The following ULK4 variants were observed in gnomAD, a reference collection of about 807,000 sequenced individuals.
ULK4 encodes the protein inactive serine/threonine-protein kinase ULK4.
A neutral mutation model predicts 160.6 loss-of-function variants in ULK4; 133 were observed. That is an observed-to-expected ratio of 0.83 (90% confidence interval 0.72 to 0.96). The LOEUF is 0.96. Ranked by LOEUF, ULK4 falls within the 40% of genes least tolerant of loss-of-function variation. The probability of loss-of-function intolerance (pLI) is 0.00; values close to 1 mark genes in which losing one functional copy is unlikely to be tolerated. For synonymous variants in ULK4, 534 were observed against 539.8 expected, an observed-to-expected ratio of 0.99 and a Z score of 0.15; for missense variants, 1,580 against 1,499.5, an observed-to-expected ratio of 1.05 and a Z score of -0.89.
intron 25 of ULK4, among the ~76,000 whole-genome samples, chr3:41,705,910 A>G (rs1227266935): frequency 1.3e-5 from 2 of 152,200 alleles, no homozygotes; most frequent in Non-Finnish European, 2.9e-5. Context: ...CCATATCAGA[A>G]GAGAGTTCGA....
intron 30 of ULK4, among the ~76,000 whole-genome samples, chr3:41,657,573 A>C (rs570565019): frequency 3.9e-5 from 6 of 152,136 alleles, no homozygotes; most frequent in African/African-American, 1.2e-4. Context: ...TAATCCCAGC[A>C]CTTTAAGAGG....
chr3:41,316,816 T>C (rs538704100), intron 35 of ULK4, among the ~76,000 whole-genome samples: 1 of 152,332 alleles, frequency 6.6e-6, no homozygotes, highest in South Asian at 2.1e-4. Context: ...AGCGCCTTTT[T>C]TAGTTGGTTC....
At chr3:41,533,527 G>A (rs1363873481) in intron 32 of ULK4, among the ~76,000 whole-genome samples, 1 of 152,160 alleles carries the variant, frequency 6.6e-6, no homozygotes, top group Non-Finnish European at 1.5e-5. Context: ...TTAGTTATTG[G>A]ACAGAGGTTG....
At chr3:41,934,784 T>G (rs1011494408) in intron 4 of ULK4, among the ~76,000 whole-genome samples, 3 of 152,062 alleles carry the variant, frequency 2.0e-5, no homozygotes, top group African/African-American at 7.2e-5. Flanking sequence ...ATATCAGGAA[T>G]CATACACATA....
At chr3:41,872,068 T>C (rs1182785758) in intron 17 of ULK4, among the ~76,000 whole-genome samples, 1 of 152,240 alleles carries the variant, frequency 6.6e-6, no homozygotes, top group East Asian at 1.9e-4. Context: ...TTTGCTTTTG[T>C]TAGTACCAGT....
At chr3:41,832,286 C>G (rs6803198) in intron 18 of ULK4, among the ~76,000 whole-genome samples, 48,016 of 152,086 alleles carry the variant, frequency 0.32, 11,159 homozygotes, top group African/African-American at 0.66. Context: ...TTTCTCTAAT[C>G]ATCAGTGATA....
At chr3:41,517,836 G>A (rs561759045) in intron 32 of ULK4, among the ~76,000 whole-genome samples, 37 of 152,302 alleles carry the variant, frequency 2.4e-4, no homozygotes, top group African/African-American at 8.4e-4. Flanking sequence ...TGTGTACAGA[G>A]AGGGTTTTGA....
intron 35 of ULK4, among the ~76,000 whole-genome samples, chr3:41,365,472 T>C (rs1032650006): frequency 6.6e-6 from 1 of 152,202 alleles, no homozygotes; most frequent in East Asian, 1.9e-4. Flanking sequence ...AAAATTAATA[T>C]AACATAGGAA....
At chr3:41,838,766 C>T (rs1002179449) in intron 17 of ULK4, among the ~76,000 whole-genome samples, 7 of 152,154 alleles carry the variant, frequency 4.6e-5, no homozygotes, top group Non-Finnish European at 8.8e-5. Flanking sequence ...CGAACTTGGA[C>T]GATAAACAGA....
At chr3:41,733,288 T>G (rs981456403) in intron 22 of ULK4, among the ~76,000 whole-genome samples, 1 of 152,040 alleles carries the variant, frequency 6.6e-6, no homozygotes, top group Non-Finnish European at 1.5e-5. Flanking sequence ...TAGATAAAAT[T>G]TGCAGTGACT....
At chr3:41,606,027 T>C (rs942963584) in intron 31 of ULK4, among the ~76,000 whole-genome samples, 4 of 151,970 alleles carry the variant, frequency 2.6e-5, no homozygotes, top group African/African-American at 9.7e-5. Context: ...CAAGGAAAAT[T>C]TGAAATTATG....
chr3:41,782,410 G>A lies in ULK4; in HGVS notation c.2193+7251C>T, dbSNP rs758748646. 1.4e-4 allele frequency among the ~76,000 whole-genome samples: 21 copies of A among 152,066 alleles called. 1 individual carries two copies. The highest frequency in any genetic ancestry group is 3.9e-4 in the Admixed American group (6 of 15,256). On this transcript the variant is annotated intron_variant, in intron 21 of 36. Transcript: ENST00000301831. ...GATTTCTGCGCTCAAATTTAGAACAGAGACACAGCTTTCAACAACCCAAAA... is the reference window on the plus strand; with the variant it reads ...GATTTCTGCGCTCAAATTTAGAACAAAGACACAGCTTTCAACAACCCAAAA...
chr3:41,421,742 G>C lies in ULK4; in HGVS notation c.3493-23478C>G, dbSNP rs7613050. Among the ~76,000 whole-genome samples, 688 of 152,200 alleles carry C rather than the reference G, an allele frequency of 4.5e-3. 2 individuals are homozygous for C. The highest frequency in any genetic ancestry group is 0.016 in the African/African-American group (660 of 41,552). Reference sequence around the variant, plus strand: ...ATTGTTCTGTGCTGTTTTAAAGTAGGTTATGGTATGAGACTTATTATAGCT... The same window carrying C: ...ATTGTTCTGTGCTGTTTTAAAGTAGCTTATGGTATGAGACTTATTATAGCT... On this transcript the variant is annotated intron_variant, in intron 34 of 36. Transcript: ENST00000301831.
chr3:41,412,398 G>GTTT (rs36026491), intron 34 of ULK4, among the ~76,000 whole-genome samples: 3 of 139,080 alleles, frequency 2.2e-5, no homozygotes, highest in Non-Finnish European at 3.1e-5. Flanking sequence ...AATCCCCCAA[G>GTTT]TTTTTTTTTT....
chr3:41,904,320 T>C (rs1698477433), intron 12 of ULK4, among the ~76,000 whole-genome samples: 1 of 151,930 alleles, frequency 6.6e-6, no homozygotes, highest in South Asian at 2.1e-4. Context: ...TCACAGTTAC[T>C]CAGGAGGCTG....
chr3:41,636,000 T>C (rs2125709277), intron 30 of ULK4, among the ~76,000 whole-genome samples: 1 of 152,370 alleles, frequency 6.6e-6, no homozygotes, highest in Admixed American at 6.5e-5. Context: ...CATTTTCCAT[T>C]TTGTACTCCT....
At chr3:41,721,256 T>TTA (rs2125850598) in intron 22 of ULK4, among the ~76,000 whole-genome samples, 2 of 13,538 alleles carry the variant, frequency 1.5e-4, no homozygotes, top group East Asian at 6.1e-3. Context: ...TCGCTTTGAA[T>TTA]TTTTTTTTTT....
intron 34 of ULK4, among the ~76,000 whole-genome samples, chr3:41,407,902 T>C (rs1353969594): frequency 1.3e-5 from 2 of 152,142 alleles, no homozygotes; most frequent in East Asian, 3.9e-4. Context: ...AGTAAAACTC[T>C]ATTTGCAGAA....
intron 22 of ULK4, among the ~76,000 whole-genome samples, chr3:41,724,446 C>T (rs1291749614): frequency 1.3e-5 from 2 of 152,090 alleles, no homozygotes; most frequent in African/African-American, 2.4e-5. Flanking sequence ...GTTTTTCAGC[C>T]AGGCGCGGTG....
Sources: allele counts gnomAD v4.1 joint callset (sites outside exome capture counted in the v4.1 genomes callset), GRCh38; gene constraint gnomAD v4.1.1; transcripts MANE v1.5; gene names NCBI Gene and HGNC (gene_info 2026-07-23, HGNC 2026-07-21).